The following TEX9 variants were observed in gnomAD, a reference collection of about 807,000 sequenced individuals.
The protein encoded by TEX9 is testis expressed 9.
In TEX9, 74 loss-of-function variants were observed where a neutral mutation model predicts 59.6. The observed-to-expected ratio is 1.24, with a 90% CI of 1.03 to 1.51. The LOEUF (loss-of-function observed/expected upper bound fraction) is 1.51. Ranked by LOEUF, TEX9 falls within the 40% of genes most tolerant of loss-of-function variation. The probability of loss-of-function intolerance (pLI) is 0.00; values close to 1 mark genes in which losing one functional copy is unlikely to be tolerated. For synonymous variants in TEX9, 186 were observed against 152.2 expected (o/e 1.22, Z -1.64); for missense variants, 522 against 447.8 (o/e 1.17, Z -1.49).
At chr15:56,438,060 A>C (rs1463392346) in intron 12 of TEX9, among the ~76,000 whole-genome samples, 4 of 152,218 alleles carry the variant, frequency 2.6e-5, no homozygotes, top group Non-Finnish European at 5.9e-5. Flanking sequence ...TTACAGATTC[A>C]ATGCCATCCA....
At chr15:56,381,853 A>G (rs2047741639) in intron 3 of TEX9, among the ~76,000 whole-genome samples, 1 of 152,078 alleles carries the variant, frequency 6.6e-6, no homozygotes, top group Non-Finnish European at 1.5e-5. Context: ...TATAAACACT[A>G]CCTGGCTACC....
intron 1 of TEX9, among the ~76,000 whole-genome samples, chr15:56,290,721 C>T (rs1336404792): frequency 1.3e-5 from 2 of 151,994 alleles, no homozygotes; most frequent in African/African-American, 4.8e-5. Flanking sequence ...TCCCAAAGTG[C>T]TGGAATTACA....
intron 1 of TEX9, among the ~76,000 whole-genome samples, chr15:56,326,770 T>C (rs1298072307): frequency 6.6e-6 from 1 of 151,012 alleles, no homozygotes; most frequent in African/African-American, 2.4e-5. Flanking sequence ...GTGGGCTACT[T>C]CCTCACCATT....
chr15:56,294,421 A>T (rs1183535001), intron 1 of TEX9, among the ~76,000 whole-genome samples: 4 of 152,160 alleles, frequency 2.6e-5, no homozygotes, highest in African/African-American at 9.7e-5. Context: ...CACATCTAAC[A>T]TTATTTTACT....
At chr15:56,300,668 A>G (rs2045323805) in intron 1 of TEX9, among the ~76,000 whole-genome samples, 1 of 145,784 alleles carries the variant, frequency 6.9e-6, no homozygotes, top group Admixed American at 7.0e-5. Context: ...TTTCTCCTCC[A>G]GTTCCAAGCA....
intron 1 of TEX9, among the ~76,000 whole-genome samples, chr15:56,264,692 G>T (rs1245859438): frequency 2.0e-5 from 3 of 152,158 alleles, no homozygotes; most frequent in Admixed American, 2.0e-4. Context: ...ATGTCACAAA[G>T]ACTTTATCCT....
intron 10 of TEX9, among the ~76,000 whole-genome samples, chr15:56,424,906 G>T (rs2050168385): frequency 6.6e-6 from 1 of 152,014 alleles, no homozygotes; most frequent in African/African-American, 2.4e-5. Context: ...TCAACTTGAA[G>T]GATTTTCTTT....
At chr15:56,327,114 C>G (rs1244598712) in intron 1 of TEX9, among the ~76,000 whole-genome samples, 2 of 152,152 alleles carry the variant, frequency 1.3e-5, no homozygotes, top group East Asian at 3.9e-4. Flanking sequence ...TGCATATATA[C>G]TTGAATATAA....
rs777120737 is a variant in TEX9 at position 56,394,200 on chromosome 15, G to A, written c.607G>A (p.Val203Ile). The A allele has an allele frequency of 8.7e-6, 14 of 1,608,972 alleles. No homozygotes were observed. The East Asian group carries it at 2.5e-4, about 28-fold the overall frequency. ...CAGATTTCTAAAGGCCAAACTCCAT[G>A]TTATGCAGGAGGAATTGGATAATGT... The change falls in exon 8 of 13, where the codon GTT (valine) becomes ATT (isoleucine). Residue 203 changes from valine (V) to isoleucine (I), a missense_variant. By Grantham distance (29) the Val-to-Ile change is conservative. Transcript: ENST00000352903.
intron 9 of TEX9, chr15:56,410,015 C>G (rs72742636): frequency 0.07 from 10,638 of 152,154 alleles, 465 homozygotes; most frequent in Non-Finnish European, 0.1. Context: ...AGAGGAGGAA[C>G]TTTGGTTAAT....
intron 1 of TEX9, among the ~76,000 whole-genome samples, chr15:56,331,593 T>G (rs988943632): frequency 6.6e-6 from 1 of 152,056 alleles, no homozygotes; most frequent in Non-Finnish European, 1.5e-5. Flanking sequence ...ATTGAAAAAT[T>G]TCTTGAAACA....
chr15:56,261,202 T>G (rs1596048686), intron 1 of TEX9, among the ~76,000 whole-genome samples: 1 of 152,186 alleles, frequency 6.6e-6, no homozygotes, highest in East Asian at 1.9e-4. Context: ...TTTCTCAATT[T>G]TATGTCAGCT....
chr15:56,412,249 G>T, intron 9 of TEX9, 53 bp from the exon 10 acceptor site: 1 of 1,520,260 alleles, frequency 6.6e-7, no homozygotes, highest in East Asian at 2.3e-5. Context: ...AAATGATAAA[G>T]GGGGAAACTA....
intron 12 of TEX9, among the ~76,000 whole-genome samples, chr15:56,437,989 T>G (rs2050757146): frequency 6.6e-6 from 1 of 152,286 alleles, no homozygotes; most frequent in East Asian, 1.9e-4. Context: ...TGGAAGAACA[T>G]TCCATGCTCA....
At chr15:56,365,335 A>G, upstream of TEX9, 1 of 1,368,608 alleles carries the variant, frequency 7.3e-7, no homozygotes, top group Non-Finnish European at 9.7e-7. Context: ...CGCCGCTCGC[A>G]GCACAGAACC....
chr15:56,337,438 A>C (rs1319978260), intron 1 of TEX9, among the ~76,000 whole-genome samples: 1 of 152,194 alleles, frequency 6.6e-6, no homozygotes, highest in Non-Finnish European at 1.5e-5. Context: ...TTGGAACTTT[A>C]TTTTGAGCCT....
intron 1 of TEX9, among the ~76,000 whole-genome samples, chr15:56,358,609 G>A (rs2046732718): frequency 6.6e-6 from 1 of 152,062 alleles, no homozygotes; most frequent in African/African-American, 2.4e-5. Context: ...ATTAACTGAA[G>A]TCCATAGTTT....
At chr15:56,326,756 A>G (rs1442537803) in intron 1 of TEX9, among the ~76,000 whole-genome samples, 1 of 152,134 alleles carries the variant, frequency 6.6e-6, no homozygotes, top group Non-Finnish European at 1.5e-5. Flanking sequence ...ACGCTATCTC[A>G]GTAGTGGGCT....
the TEX9 span, chr15:56,456,326 G>C: frequency 7.0e-7 from 1 of 1,424,058 alleles, no homozygotes; most frequent in Non-Finnish European, 9.4e-7. Flanking sequence ...TCACTTTCAG[G>C]TGCTAAGGAT....
Sources: gnomAD v4.1 joint callset for allele counts (sites outside exome capture counted in the v4.1 genomes callset) on GRCh38, gnomAD v4.1.1 for gene constraint, MANE v1.5 for transcripts, NCBI Gene and HGNC (gene_info 2026-07-23, HGNC 2026-07-21) for gene names.